Variants in PELI1 observed in about 807,000 individuals in gnomAD.
PELI1 encodes the protein pellino E3 ubiquitin protein ligase 1, also known as E3 ubiquitin-protein ligase pellino homolog 1.
In PELI1, 15 loss-of-function variants were observed where a neutral mutation model predicts 41.3. The ratio of observed to expected loss-of-function variants is 0.36; its 90% CI spans 0.24 to 0.56. The LOEUF is 0.56. Among genes scored for constraint, PELI1 ranks in the 20% least tolerant of loss-of-function variants. The pLI is 0.82. For synonymous variants in PELI1, 178 were observed against 180.1 expected, an observed-to-expected ratio of 0.99 and a Z score of 0.09; for missense variants, 403 against 525.5, an observed-to-expected ratio of 0.77 and a Z score of 2.28.
At chr2:64,119,661 G>C (rs1419355233) in intron 1 of PELI1, among the ~76,000 whole-genome samples, 4 of 152,168 alleles carry the variant, frequency 2.6e-5, no homozygotes, top group South Asian at 2.1e-4. Context: ...CAAAAGGAAA[G>C]AAACAGAAGT....
intron 2 of PELI1, among the ~76,000 whole-genome samples, chr2:64,107,522 G>A (rs1229832233): frequency 2.0e-5 from 3 of 152,066 alleles, no homozygotes. Context: ...AACTACTGTA[G>A]AGAGGCAAAA....
chr2:64,100,615 T>C (rs1404146379), intron 3 of PELI1, 116 bp from the exon 4 acceptor site: 7 of 693,660 alleles, frequency 1.0e-5, no homozygotes, highest in South Asian at 1.6e-5. Context: ...TTATACATTT[T>C]CCCCCTGAAA....
chr2:64,120,365 C>T (rs1313689687), intron 1 of PELI1, among the ~76,000 whole-genome samples: 4 of 152,240 alleles, frequency 2.6e-5, no homozygotes, highest in East Asian at 3.9e-4. Context: ...TAGCCAAAGG[C>T]GAACCTGATT....
At chr2:64,121,081 G>A (rs1396488378) in intron 1 of PELI1, among the ~76,000 whole-genome samples, 1 of 152,136 alleles carries the variant, frequency 6.6e-6, no homozygotes, top group Non-Finnish European at 1.5e-5. Context: ...CTGGCAGCAG[G>A]CCCACTTAGG....
chr2:64,128,846 A>G (rs1681468286), intron 1 of PELI1, among the ~76,000 whole-genome samples: 1 of 152,140 alleles, frequency 6.6e-6, no homozygotes, highest in Non-Finnish European at 1.5e-5. Flanking sequence ...TTTTTTCACT[A>G]TAGAAATTCA....
chr2:64,108,294 T>G lies in PELI1; in HGVS notation c.17A>C (p.Gln6Pro). MFSPD[Q>P]ENHPSKAPVK... is the part of the protein sequence containing the mutation. ...TGGTGCTTTAGATGGATGATTTTCTTGATCAGGAGAAAACATGAGCTTGGC... is the reference window on the plus strand; with the variant it reads ...TGGTGCTTTAGATGGATGATTTTCTGGATCAGGAGAAAACATGAGCTTGGC... Residue 6 changes from glutamine (Q) to proline (P), a missense_variant, in exon 2 of 7, where the codon CAA (glutamine) becomes CCA (proline). By Grantham distance (76) the Gln-to-Pro change is moderately conservative (BLOSUM62 -1). Transcript: ENST00000358912. 1.2e-6 allele frequency: 2 copies of G among 1,605,634 alleles called. No individual in the cohort carries two copies. The highest frequency in any genetic ancestry group is 1.7e-4 in the Middle Eastern group (1 of 6,040).
intron 1 of PELI1, among the ~76,000 whole-genome samples, chr2:64,120,477 C>A (rs1681170989): frequency 6.6e-6 from 1 of 152,228 alleles, no homozygotes; most frequent in Non-Finnish European, 1.5e-5. Flanking sequence ...TCGATAATCT[C>A]CACCCATTAA....
At chr2:64,106,858 G>A (rs1307337114) in intron 2 of PELI1, among the ~76,000 whole-genome samples, 3 of 152,152 alleles carry the variant, frequency 2.0e-5, no homozygotes, top group Non-Finnish European at 4.4e-5. Flanking sequence ...CAAACATACC[G>A]CAATATCTAG....
intron 4 of PELI1, among the ~76,000 whole-genome samples, chr2:64,099,299 G>A (rs138843807): frequency 0.019 from 2,818 of 152,016 alleles, 42 homozygotes; most frequent in African/African-American, 0.035. Flanking sequence ...CTGAGTAACT[G>A]AGACTACAGG....
chr2:64,112,351 A>G (rs1402651300), intron 1 of PELI1, among the ~76,000 whole-genome samples: 1 of 152,168 alleles, frequency 6.6e-6, no homozygotes, highest in Non-Finnish European at 1.5e-5. Flanking sequence ...AATATAAGCG[A>G]CCATTTGGTC....
At chr2:64,115,451 G>T (rs1471623865) in intron 1 of PELI1, among the ~76,000 whole-genome samples, 2 of 152,160 alleles carry the variant, frequency 1.3e-5, no homozygotes, top group African/African-American at 4.8e-5. Flanking sequence ...TTTCACGTAA[G>T]ATTATTTTAT....
chr2:64,142,567 C>G (rs372018314), intron 1 of PELI1, among the ~76,000 whole-genome samples: 1 of 152,044 alleles, frequency 6.6e-6, no homozygotes. Flanking sequence ...AAAGACTTTT[C>G]CCCAGAAGAG....
chr2:64,124,557 A>T (rs991251310), intron 1 of PELI1, among the ~76,000 whole-genome samples: 8 of 152,254 alleles, frequency 5.3e-5, no homozygotes, highest in African/African-American at 1.9e-4. Context: ...AAATTTTCAC[A>T]AGCAAAACTG....
intron 1 of PELI1, among the ~76,000 whole-genome samples, chr2:64,136,726 A>C (rs1681728255): frequency 2.0e-5 from 3 of 152,188 alleles, no homozygotes; most frequent in African/African-American, 7.2e-5. Context: ...AACATGGTGA[A>C]ACCCTGTCTC....
At chr2:64,143,312 A>T (rs770035049) in intron 1 of PELI1, 1 of 152,230 alleles carries the variant, frequency 6.6e-6, no homozygotes, top group Non-Finnish European at 1.5e-5. Flanking sequence ...ACTACGTAAC[A>T]ATTACCTAGA....
At chr2:64,138,444 T>C (rs181849922) in intron 1 of PELI1, among the ~76,000 whole-genome samples, 101 of 152,272 alleles carry the variant, frequency 6.6e-4, no homozygotes, top group African/African-American at 2.1e-3. Context: ...AAACTGCATC[T>C]TGGCCAGGTG....
chr2:64,119,558 G>A (rs1262525167), intron 1 of PELI1, among the ~76,000 whole-genome samples: 1 of 152,166 alleles, frequency 6.6e-6, no homozygotes, highest in Non-Finnish European at 1.5e-5. Flanking sequence ...CCTATGTTAC[G>A]CAAAATAGGT....
intron 4 of PELI1, among the ~76,000 whole-genome samples, chr2:64,099,960 T>C (rs1200968983): frequency 6.6e-6 from 1 of 152,222 alleles, no homozygotes; most frequent in East Asian, 1.9e-4. Flanking sequence ...GGATTGTTTA[T>C]TGTCTAGAGA....
At chr2:64,113,763 CCTTTTT>C (rs1680901280) in intron 1 of PELI1, among the ~76,000 whole-genome samples, 1 of 152,068 alleles carries the variant, frequency 6.6e-6, no homozygotes, top group African/African-American at 2.4e-5. Context: ...CTAATCATTT[CCTTTTT>C]AAGGGCCAGT....
Sources: gnomAD v4.1 joint callset for allele counts (sites outside exome capture counted in the v4.1 genomes callset) on GRCh38, gnomAD v4.1.1 for gene constraint, MANE v1.5 for transcripts, NCBI Gene and HGNC (gene_info 2026-07-23, HGNC 2026-07-21) for gene names.